The following ZBTB20 variants were observed in gnomAD, a reference collection of about 807,000 sequenced individuals.
ZBTB20 encodes the protein zinc finger and BTB domain-containing protein 20.
In ZBTB20, 9 loss-of-function variants were observed where a neutral mutation model predicts 56.9. The ratio of observed to expected loss-of-function variants is 0.16; its 90% CI spans 0.10 to 0.28. The LOEUF is 0.28. Among genes scored for constraint, ZBTB20 ranks in the 10% least tolerant of loss-of-function variants. The probability of loss-of-function intolerance (pLI) is 1.00; values close to 1 mark genes in which losing one functional copy is unlikely to be tolerated. For synonymous variants in ZBTB20, 417 were observed against 420.7 expected (o/e 0.99, Z 0.11); for missense variants, 655 against 1,003.0 (o/e 0.65, Z 4.69).
chr3:114,356,206 C>CT (rs1015873756), intron 10 of ZBTB20: 2 of 152,120 alleles, frequency 1.3e-5, no homozygotes, highest in African/African-American at 4.8e-5. Context: ...GAAAATCTGC[C>CT]TGTGGGGAAT....
intron 4 of ZBTB20, among the ~76,000 whole-genome samples, chr3:114,897,830 T>C (rs559522668): frequency 1.3e-4 from 20 of 152,202 alleles, no homozygotes; most frequent in African/African-American, 4.6e-4. Context: ...GTACTAAAAT[T>C]TGAGAAGCCT....
chr3:114,984,254 CAT>C (rs754658359), intron 2 of ZBTB20, among the ~76,000 whole-genome samples: 1 of 151,902 alleles, frequency 6.6e-6, no homozygotes, highest in Non-Finnish European at 1.5e-5. Flanking sequence ...ATCAATTATA[CAT>C]ATATATATTT....
intron 3 of ZBTB20, among the ~76,000 whole-genome samples, chr3:114,945,938 A>G (rs977516401): frequency 2.1e-5 from 3 of 145,586 alleles, no homozygotes; most frequent in South Asian, 2.1e-4. Flanking sequence ...CAAGAAGAGC[A>G]TTAAATAATA....
chr3:115,104,994 C>T (rs2083681337), intron 1 of ZBTB20, among the ~76,000 whole-genome samples: 2 of 151,950 alleles, frequency 1.3e-5, no homozygotes, highest in Non-Finnish European at 1.5e-5. Context: ...ACCTCCCCAT[C>T]GATTTTACTA....
rs1462800077 is a variant in ZBTB20 at position 114,318,717 on chromosome 3, A to G, written c.*20288T>C. ...ACGCACAGCAGGATTTCAGAAACAA[A>G]TTTAACTTTGGTTTTCCAACTTTTT... On this transcript the variant is annotated 3_prime_UTR_variant, in exon 12 of 12. Coordinates refer to ENST00000675478, the MANE Select transcript of ZBTB20 (RefSeq NM_001348800.3). The G allele has an allele frequency of 1.3e-5, 2 of 152,236 alleles. No homozygotes were observed. Among genetic ancestry groups the G allele is most frequent in the African/African-American group, 4.8e-5 (2 of 41,460 alleles). 9.4% of individuals were successfully genotyped at this position (152,236 alleles called of 1,614,324 possible). A position where few individuals can be genotyped will look rare whatever the true frequency, so the allele number is the denominator to read the frequency against.
rs577816880 is a variant in ZBTB20 at position 114,751,141 on chromosome 3, CA to C, written c.-343+49959del. ...GTTATTATTTATATATCAATACATA[CA>C]AATCATATGTGTTATATATTAATGA... On this transcript the variant is annotated intron_variant, in intron 5 of 11. Transcript: ENST00000675478. 1.6e-3 allele frequency among the ~76,000 whole-genome samples: 248 copies of C among 152,150 alleles called. 1 individual carries two copies. Among genetic ancestry groups the C allele is most frequent in the Non-Finnish European group, 3.1e-3 (212 of 67,978 alleles).
intron 6 of ZBTB20, among the ~76,000 whole-genome samples, chr3:114,568,741 T>C (rs1016052660): frequency 1.3e-5 from 2 of 152,218 alleles, no homozygotes; most frequent in Admixed American, 6.5e-5. Context: ...TAACAGGACA[T>C]GAATGACCTG....
chr3:114,640,692 A>T (rs2059513753), intron 6 of ZBTB20, among the ~76,000 whole-genome samples: 1 of 152,076 alleles, frequency 6.6e-6, no homozygotes, highest in East Asian at 1.9e-4. Flanking sequence ...GTTAGTCATA[A>T]CACCATTTAC....
intron 10 of ZBTB20, among the ~76,000 whole-genome samples, chr3:114,365,395 A>G (rs938058690): frequency 1.3e-5 from 2 of 152,218 alleles, no homozygotes. Flanking sequence ...GGGCCCTTCC[A>G]GCAGGAGGGC....
intron 2 of ZBTB20, among the ~76,000 whole-genome samples, chr3:115,034,863 C>T (rs778565518): frequency 6.6e-5 from 10 of 151,776 alleles, no homozygotes; most frequent in South Asian, 4.1e-4. Context: ...ACGGTACTGG[C>T]GTAAAGACAA....
intron 5 of ZBTB20, among the ~76,000 whole-genome samples, chr3:114,699,615 G>A (rs2063269980): frequency 6.6e-6 from 1 of 151,936 alleles, no homozygotes; most frequent in Non-Finnish European, 1.5e-5. Flanking sequence ...TTAAAAAATG[G>A]GGCTACCATC....
intron 4 of ZBTB20, among the ~76,000 whole-genome samples, chr3:114,855,002 A>G (rs1399804902): frequency 6.6e-6 from 1 of 152,202 alleles, no homozygotes; most frequent in Non-Finnish European, 1.5e-5. Context: ...TTTCTCTTGT[A>G]AAATAATTTA....
At chr3:114,457,088 T>C (rs1166749598) in intron 7 of ZBTB20, among the ~76,000 whole-genome samples, 1 of 152,210 alleles carries the variant, frequency 6.6e-6, no homozygotes, top group Non-Finnish European at 1.5e-5. Flanking sequence ...TAATGGCAGA[T>C]CCTTTGGCAA....
intron 3 of ZBTB20, among the ~76,000 whole-genome samples, chr3:114,915,507 TTTTG>T (rs888074111): frequency 8.6e-5 from 13 of 151,994 alleles, no homozygotes; most frequent in Admixed American, 7.9e-4. Context: ...TGTCTGTCAA[TTTTG>T]TTTATCTTTT....
In ZBTB20 at chr3:114,329,735, A is replaced by AACC. The variant is rs1553785011; in HGVS notation, c.*9269_*9270insGGT. 2 of 138,682 alleles carry AACC rather than the reference A, an allele frequency of 1.4e-5. No individual in the cohort carries two copies. Among genetic ancestry groups the AACC allele is most frequent in the South Asian group, 5.2e-4 (2 of 3,876 alleles). The allele number at this position is 138,682 out of a possible 1,614,324, so 8.6% of individuals were successfully genotyped here. ...AAAAAAAAAAAAAAAAAAAAAAAAA[A>AACC]AACAACTCCCAGGAAAATGAACACT... On this transcript the variant is annotated 3_prime_UTR_variant, in exon 12 of 12. Transcript: ENST00000675478.
At chr3:115,089,800 T>G (rs1016266483) in intron 1 of ZBTB20, among the ~76,000 whole-genome samples, 40 of 151,938 alleles carry the variant, frequency 2.6e-4, no homozygotes, top group African/African-American at 8.7e-4. Context: ...TGAAAGGTGC[T>G]TAGCAATATC....
At chr3:114,909,784 A>T (rs1560387804) in intron 3 of ZBTB20, among the ~76,000 whole-genome samples, 1 of 151,960 alleles carries the variant, frequency 6.6e-6, no homozygotes, top group Non-Finnish European at 1.5e-5. Flanking sequence ...ATATATCAAA[A>T]CTCATGCAAT....
At chr3:114,671,853 C>T (rs145214209) in intron 6 of ZBTB20, among the ~76,000 whole-genome samples, 97 of 152,208 alleles carry the variant, frequency 6.4e-4, no homozygotes, top group Middle Eastern at 3.4e-3. Context: ...ATACAATTTA[C>T]AGTAGTACCT....
intron 6 of ZBTB20, among the ~76,000 whole-genome samples, chr3:114,571,904 C>T (rs1052056815): frequency 2.6e-5 from 4 of 152,158 alleles, no homozygotes; most frequent in Non-Finnish European, 2.9e-5. Flanking sequence ...CTATATCCAG[C>T]GACAGCCCTG....
Sources: gnomAD v4.1 joint callset for allele counts (sites outside exome capture counted in the v4.1 genomes callset) on GRCh38, gnomAD v4.1.1 for gene constraint, MANE v1.5 for transcripts, NCBI Gene and HGNC (gene_info 2026-07-23, HGNC 2026-07-21) for gene names.